The following CLTCL1 variants were observed in gnomAD, a reference collection of about 807,000 sequenced individuals.
CLTCL1 encodes the protein clathrin heavy chain 2.
In CLTCL1, 159 loss-of-function variants were observed where a neutral mutation model predicts 190.0. That is an observed-to-expected ratio of 0.84 (90% CI 0.74 to 0.95). The LOEUF (loss-of-function observed/expected upper bound fraction) is 0.95, where lower values mean the gene tolerates loss of function less well. CLTCL1 is among the 40% of genes least tolerant of loss of function. The probability of loss-of-function intolerance (pLI) is 0.00; values close to 1 mark genes in which losing one functional copy is unlikely to be tolerated. For missense variants in CLTCL1, 1,878 were observed against 2,033.4 expected (o/e 0.92, Z 1.47); for synonymous variants, 752 against 769.6 (o/e 0.98, Z 0.38).
chr22:19,242,496 A>C (rs2086286610), intron 4 of CLTCL1, among the ~76,000 whole-genome samples: 1 of 152,106 alleles, frequency 6.6e-6, no homozygotes, highest in Non-Finnish European at 1.5e-5. Flanking sequence ...GGGTTTCACC[A>C]CGTTGGCCAG....
chr22:19,232,890 C>A, intron 9 of CLTCL1: 1 of 549,492 alleles, frequency 1.8e-6, no homozygotes, highest in Non-Finnish European at 3.1e-6. Context: ...GGGAGTCTGC[C>A]AAAATATCAA....
At chr22:19,201,774 G>A (rs2084895135) in intron 22 of CLTCL1, among the ~76,000 whole-genome samples, 1 of 151,990 alleles carries the variant, frequency 6.6e-6, no homozygotes, top group Non-Finnish European at 1.5e-5. Context: ...CACCCCACTG[G>A]GCCTGGGCTG....
intron 27 of CLTCL1, among the ~76,000 whole-genome samples, chr22:19,189,468 T>C (rs1555930317): frequency 6.6e-5 from 10 of 152,244 alleles, no homozygotes; most frequent in Non-Finnish European, 4.4e-5. Flanking sequence ...ATTTCAACAA[T>C]GTTCACAGCA....
Position 19,258,839 on chromosome 22 carries a change from G to A in CLTCL1, c.251-4612C>T, listed in dbSNP as rs2086851059. ...GAAGCAGGGTACCCTTTGGGGAGCAGGAGGCCAGTAAAAAGTTCACAGGTT... is the reference window on the plus strand; with the variant it reads ...GAAGCAGGGTACCCTTTGGGGAGCAAGAGGCCAGTAAAAAGTTCACAGGTT... On this transcript the variant is annotated intron_variant, in intron 2 of 32. Coordinates refer to ENST00000427926, the MANE Select transcript of CLTCL1 (RefSeq NM_007098.4). 6 of 605,114 alleles carry A rather than the reference G, an allele frequency of 9.9e-6. No individual in the cohort carries two copies. The South Asian group carries it at 1.0e-4, about 10-fold the overall frequency. 37.5% of individuals were successfully genotyped at this position (605,114 alleles called of 1,614,324 possible). A position where few individuals can be genotyped will look rare whatever the true frequency, so the allele number is the denominator to read the frequency against.
At chr22:19,199,615 C>T in intron 24 of CLTCL1, 119 bp downstream of exon 24, 2 of 658,768 alleles carry the variant, frequency 3.0e-6, no homozygotes, top group Non-Finnish European at 2.6e-6. Flanking sequence ...CAGGGCCATG[C>T]TTCATATTTG....
chr22:19,263,335 G>A (rs918898770), intron 2 of CLTCL1, among the ~76,000 whole-genome samples: 1 of 151,154 alleles, frequency 6.6e-6, no homozygotes, highest in Non-Finnish European at 1.5e-5. Context: ...AGGCTCAAGC[G>A]ATCTTCCCAC....
chr22:19,219,875 T>C lies in CLTCL1; in HGVS notation c.2919+10A>G, dbSNP rs1555951381. ...GCAGGTGTGCAGACATACCCATCTC[T>C]GTGCCTCACCTGGTCAATTAGCTGT... On this transcript the variant is annotated intron_variant, in intron 18 of 32. Transcript: ENST00000427926. The C allele has an allele frequency of 6.2e-7, 1 of 1,614,066 alleles. No individual in the cohort carries two copies. The highest frequency in any genetic ancestry group is 8.5e-7 in the Non-Finnish European group (1 of 1,179,890).
chr22:19,262,944 T>G (rs1453048489), intron 2 of CLTCL1, among the ~76,000 whole-genome samples: 1 of 149,564 alleles, frequency 6.7e-6, no homozygotes, highest in East Asian at 2.0e-4. Flanking sequence ...GGCAGGAGGA[T>G]CCCTTAACCC....
intron 1 of CLTCL1, 66 bp from the exon 2 acceptor site, chr22:19,275,896 C>A: frequency 7.5e-7 from 1 of 1,341,862 alleles, no homozygotes; most frequent in Non-Finnish European, 1.0e-6. Context: ...TAGCCAAAGG[C>A]AAAAGAGGAG....
At chr22:19,205,603 A>G in intron 22 of CLTCL1, among the ~76,000 whole-genome samples, 1 of 152,194 alleles carries the variant, frequency 6.6e-6, no homozygotes, top group East Asian at 1.9e-4. Context: ...TTTATAGGTA[A>G]AACTATGTGG....
At chr22:19,288,884 G>A (rs1374401922) in intron 1 of CLTCL1, among the ~76,000 whole-genome samples, 4 of 152,248 alleles carry the variant, frequency 2.6e-5, no homozygotes, top group African/African-American at 9.6e-5. Flanking sequence ...ACCAAAAACA[G>A]TAGAGAAAGG....
At chr22:19,190,501 A>C (rs1338042263) in intron 27 of CLTCL1, among the ~76,000 whole-genome samples, 2 of 151,248 alleles carry the variant, frequency 1.3e-5, no homozygotes, top group African/African-American at 4.9e-5. Context: ...GAGGAGGCCA[A>C]GGCGGGAAGA....
chr22:19,208,839 T>G (rs1175861590), intron 21 of CLTCL1, 83 bp downstream of exon 21: 19 of 1,126,310 alleles, frequency 1.7e-5, no homozygotes, highest in Non-Finnish European at 2.4e-5. Flanking sequence ...CGTAGAGATT[T>G]GTGAGAATCT....
At chr22:19,226,782 G>C in intron 11 of CLTCL1, among the ~76,000 whole-genome samples, 1 of 151,584 alleles carries the variant, frequency 6.6e-6, no homozygotes. Flanking sequence ...CCATCACTCA[G>C]GCTGGAATGC....
intron 2 of CLTCL1, 62 bp from the exon 3 acceptor site, chr22:19,254,289 T>A (rs2086685194): frequency 2.2e-6 from 3 of 1,359,160 alleles, no homozygotes; most frequent in Non-Finnish European, 3.1e-6. Context: ...GACAAATTCA[T>A]ATACTCTTAA....
intron 2 of CLTCL1, among the ~76,000 whole-genome samples, chr22:19,257,349 T>A (rs919134920): frequency 3.3e-5 from 5 of 152,144 alleles, no homozygotes; most frequent in Non-Finnish European, 7.3e-5. Context: ...AAAAGAATAC[T>A]CTTTTCAACA....
At chr22:19,184,571 G>T (rs1555927438) in intron 29 of CLTCL1, 1 of 456,036 alleles carries the variant, frequency 2.2e-6, no homozygotes, top group Non-Finnish European at 4.4e-6. Flanking sequence ...CCTCAGGTGA[G>T]AGCTCCAGGT....
intron 2 of CLTCL1, among the ~76,000 whole-genome samples, chr22:19,261,643 T>C (rs1300175800): frequency 1.3e-5 from 2 of 152,196 alleles, no homozygotes; most frequent in African/African-American, 2.4e-5. Context: ...GAGGAAGTCA[T>C]TGCAGATGTG....
At chr22:19,235,075 G>A (rs1290052626) in intron 6 of CLTCL1, among the ~76,000 whole-genome samples, 3 of 151,742 alleles carry the variant, frequency 2.0e-5, no homozygotes, top group South Asian at 2.1e-4. Context: ...TTACTATGTC[G>A]CTCAGGCTGG....
Sources: allele counts gnomAD v4.1 joint callset (sites outside exome capture counted in the v4.1 genomes callset), GRCh38; gene constraint gnomAD v4.1.1; transcripts MANE v1.5; gene names NCBI Gene and HGNC (gene_info 2026-07-23, HGNC 2026-07-21).